TECRL: variants seen among roughly 807,000 people sequenced by gnomAD.
The protein encoded by TECRL is trans-2,3-enoyl-CoA reductase like.
In TECRL, 63 loss-of-function variants were observed where a neutral mutation model predicts 52.8. The ratio of observed to expected loss-of-function variants is 1.19; its 90% CI spans 0.97 to 1.47. The LOEUF is 1.47. Among genes scored for constraint, TECRL ranks in the 40% most tolerant of loss-of-function variants. The pLI is 0.00. For missense variants in TECRL, 482 were observed against 429.6 expected (o/e 1.12, Z -1.08); for synonymous variants, 164 against 141.9 (o/e 1.16, Z -1.10).
intron 1 of TECRL, among the ~76,000 whole-genome samples, chr4:64,406,180 G>GTA (rs372130163): frequency 1.3e-5 from 2 of 151,582 alleles, no homozygotes; most frequent in East Asian, 3.9e-4. Flanking sequence ...GTGTGTGTGT[G>GTA]TATGTGTGTA....
Position 64,280,115 on chromosome 4 carries a change from G to A in TECRL, c.1049C>T (p.Ser350Leu). 3 of 1,603,324 alleles carry A rather than the reference G, an allele frequency of 1.9e-6. No homozygotes were observed. The highest frequency in any genetic ancestry group is 1.7e-6 in the Non-Finnish European group (2 of 1,175,028). Residue 350 changes from serine (S) to leucine (L), a missense_variant, in exon 12 of 12, where the codon TCA (serine) becomes TTA (leucine). Ser to Leu is a moderately radical substitution (Grantham distance 145). Transcript: ENST00000381210. ...KHKIYLRKFNSYIHRKSAMIP... is the reference protein window; with the variant it reads ...KHKIYLRKFNLYIHRKSAMIP... ...CATTGCTGATTTTCTATGAATATAT[G>A]AATTGAATTTTCTCAGATAAATCTT...
intron 5 of TECRL, among the ~76,000 whole-genome samples, chr4:64,310,252 C>T (rs1230457087): frequency 4.6e-5 from 7 of 152,216 alleles, no homozygotes; most frequent in Middle Eastern, 3.4e-3. Context: ...ATGTTCATAT[C>T]GAAATACTTC....
intron 2 of TECRL, among the ~76,000 whole-genome samples, chr4:64,355,834 A>G (rs1720735765): frequency 6.6e-6 from 1 of 151,624 alleles, no homozygotes; most frequent in African/African-American, 2.4e-5. Context: ...AATTATAAAA[A>G]TATTTTAAAA....
chr4:64,298,120 T>C (rs1272609429), intron 8 of TECRL, among the ~76,000 whole-genome samples: 1 of 151,140 alleles, frequency 6.6e-6, no homozygotes, highest in African/African-American at 2.4e-5. Context: ...CTTTCAATAT[T>C]TAAAAAATAT....
At chr4:64,348,314 C>T (rs535583054) in intron 2 of TECRL, among the ~76,000 whole-genome samples, 3 of 152,184 alleles carry the variant, frequency 2.0e-5, no homozygotes, top group Admixed American at 6.5e-5. Context: ...TCAGATCTTG[C>T]GAGAATTCAC....
rs970468446 is a variant in TECRL, at chr4:64,385,907, G to T, written c.235-10684C>A. 4.6e-5 allele frequency among the ~76,000 whole-genome samples: 7 copies of T among 152,230 alleles called. 1 individual carries two copies. Among genetic ancestry groups the T allele is most frequent in the African/African-American group, 1.7e-4 (7 of 41,550 alleles). On this transcript the variant is annotated intron_variant, in intron 1 of 11. Coordinates refer to ENST00000381210, the MANE Select transcript of TECRL (RefSeq NM_001010874.5). ...CTTGCTTACCTTTTCCCCACACTTG[G>T]TTGGGCTTCTTGCTTTACTTTCTTC...
At position 64,371,844 on chromosome 4, in the gene TECRL, A is replaced by G. The variant is rs1177878389; in HGVS notation, c.286+3328T>C. On this transcript the variant is annotated intron_variant, in intron 2 of 11. Transcript: ENST00000381210. ...ATGTCCTTAAGTGTAATTTGCTATGATTTTATTTTTCAACATGTTCTAATA... is the reference window on the plus strand; with the variant it reads ...ATGTCCTTAAGTGTAATTTGCTATGGTTTTATTTTTCAACATGTTCTAATA... 2.0e-5 allele frequency among the ~76,000 whole-genome samples: 3 copies of G among 151,776 alleles called. No individual in the cohort carries two copies. In the East Asian group the frequency reaches 5.8e-4, roughly 29 times the overall value.
intron 1 of TECRL, among the ~76,000 whole-genome samples, 155 bp downstream of exon 1, chr4:64,408,963 A>G (rs1166918185): frequency 1.3e-5 from 2 of 152,156 alleles, no homozygotes; most frequent in East Asian, 3.9e-4. Context: ...AAAACAATGC[A>G]TAAAGTATGC....
intron 2 of TECRL, among the ~76,000 whole-genome samples, chr4:64,374,734 C>T (rs1288814883): frequency 2.0e-5 from 3 of 152,078 alleles, no homozygotes; most frequent in Non-Finnish European, 4.4e-5. Context: ...CTACAAAGGA[C>T]ATGAACTCAT....
chr4:64,370,012 T>C (rs555953966), intron 2 of TECRL, among the ~76,000 whole-genome samples: 26 of 151,814 alleles, frequency 1.7e-4, no homozygotes, highest in South Asian at 4.1e-4. Flanking sequence ...CAAAGGCATA[T>C]ATATCTTGAT....
intron 2 of TECRL, among the ~76,000 whole-genome samples, chr4:64,332,175 C>T (rs1176808994): frequency 6.6e-6 from 1 of 152,148 alleles, no homozygotes; most frequent in African/African-American, 2.4e-5. Context: ...GGCGAGGAAG[C>T]TGAGCAGGGC....
chr4:64,377,081 A>G (rs1722449563), intron 1 of TECRL, among the ~76,000 whole-genome samples: 1 of 151,996 alleles, frequency 6.6e-6, no homozygotes, highest in African/African-American at 2.4e-5. Context: ...CAAGACTAAC[A>G]TTGTTTTCCT....
At chr4:64,304,691 A>C (rs1234863355) in intron 7 of TECRL, among the ~76,000 whole-genome samples, 1 of 152,074 alleles carries the variant, frequency 6.6e-6, no homozygotes, top group African/African-American at 2.4e-5. Flanking sequence ...TCCAGTGTAC[A>C]TTCAACCAAA....
intron 1 of TECRL, among the ~76,000 whole-genome samples, chr4:64,377,173 GA>G (rs1376213660): frequency 6.6e-6 from 1 of 151,918 alleles, no homozygotes; most frequent in African/African-American, 2.4e-5. Context: ...TCACTTGTTA[GA>G]AAAGTGCTGA....
Position 64,309,917 on chromosome 4 carries a change from C to A in TECRL, c.566G>T (p.Cys189Phe), listed in dbSNP as rs751017715. 1 of 1,592,710 alleles carries A rather than the reference C, an allele frequency of 6.3e-7. No individual in the cohort carries two copies. Among genetic ancestry groups the A allele is most frequent in the South Asian group, 1.2e-5 (1 of 86,300 alleles). Residue 189 changes from cysteine (C) to phenylalanine (F), a missense_variant, in exon 6 of 12, where the codon TGT becomes TTT. Transcript: ENST00000381210. ...GTATCGGATGTAGTGTATACAATGA[C>A]AGAAGCAAGCCAAGCTGGAAAAAAA... ...RHPVVHLACF[C>F]HCIHYIRYLL...
At chr4:64,387,605 G>T (rs1285148582) in intron 1 of TECRL, among the ~76,000 whole-genome samples, 1 of 152,010 alleles carries the variant, frequency 6.6e-6, no homozygotes, top group Non-Finnish European at 1.5e-5. Flanking sequence ...TTTTCTATAA[G>T]GTTCACAGTA....
intron 7 of TECRL, among the ~76,000 whole-genome samples, chr4:64,300,992 C>G (rs1723987003): frequency 6.6e-6 from 1 of 150,390 alleles, no homozygotes. Context: ...TTTTCTTGAG[C>G]TAGAAATTTA....
intron 1 of TECRL, among the ~76,000 whole-genome samples, chr4:64,400,181 A>T (rs1438306352): frequency 6.6e-6 from 1 of 152,082 alleles, no homozygotes; most frequent in East Asian, 1.9e-4. Context: ...ATATCAAAGG[A>T]GATTATTCTG....
At chr4:64,366,351 C>T (rs548770385) in intron 2 of TECRL, among the ~76,000 whole-genome samples, 11 of 151,976 alleles carry the variant, frequency 7.2e-5, no homozygotes, top group South Asian at 6.2e-4. Flanking sequence ...ACACAGGAAC[C>T]GGGAAAGATT....
Sources: gnomAD v4.1 joint callset for allele counts (sites outside exome capture counted in the v4.1 genomes callset) on GRCh38, gnomAD v4.1.1 for gene constraint, MANE v1.5 for transcripts, NCBI Gene and HGNC (gene_info 2026-07-23, HGNC 2026-07-21) for gene names.